SLC39A13: variants seen among roughly 807,000 people sequenced by gnomAD.
SLC39A13 encodes the protein zinc transporter ZIP13.
In SLC39A13, 18 loss-of-function variants were observed where a neutral mutation model predicts 38.7. The observed-to-expected ratio is 0.47, with a 90% CI of 0.32 to 0.69. The LOEUF (loss-of-function observed/expected upper bound fraction) is 0.69. SLC39A13 is among the 30% of genes least tolerant of loss of function. The probability of loss-of-function intolerance (pLI) is 0.03; values close to 1 mark genes in which losing one functional copy is unlikely to be tolerated. For synonymous variants in SLC39A13, 212 were observed against 219.1 expected, an observed-to-expected ratio of 0.97 and a Z score of 0.29; for missense variants, 395 against 490.7, an observed-to-expected ratio of 0.80 and a Z score of 1.84.
At chr11:47,410,975 A>C (rs1201114979) in intron 2 of SLC39A13, among the ~76,000 whole-genome samples, 1 of 152,228 alleles carries the variant, frequency 6.6e-6, no homozygotes. Flanking sequence ...CTCAACCCTC[A>C]GAGCAGCCCT....
At chr11:47,409,719 G>A (rs2095987456) in intron 1 of SLC39A13, 1 of 288,362 alleles carries the variant, frequency 3.5e-6, no homozygotes, top group Non-Finnish European at 6.7e-6. Context: ...AGTCTCTGGG[G>A]TGTCGCGGGC....
At position 47,415,091 on chromosome 11, in the gene SLC39A13, C is replaced by A. The variant is rs774905397; in HGVS notation, c.972C>A (p.Thr324=). Reference sequence around the variant, plus strand: ...CGGCAGCCTGGGTCCTGCCCTTCACCTCTGGCGGCTTTCTCTACATCGCCT... The same window carrying A: ...CGGCAGCCTGGGTCCTGCCCTTCACATCTGGCGGCTTTCTCTACATCGCCT... ...EETAAWVLPF[T]SGGFLYIALV... is the part of the protein sequence containing the mutation. Residue 324 remains threonine (T), a synonymous_variant, in exon 9 of 10, where the codon ACC becomes ACA. Coordinates refer to ENST00000362021, the MANE Select transcript of SLC39A13 (RefSeq NM_001128225.3). The A allele has an allele frequency of 8.7e-6, 14 of 1,613,310 alleles. No individual in the cohort carries two copies. The highest frequency in any genetic ancestry group is 1.2e-5 in the Non-Finnish European group (14 of 1,179,620).
chr11:47,410,184 T>TG lies in SLC39A13; in HGVS notation c.95dup (p.Ser33PhefsTer109). ...TTGCCCTGGAGCTCTTGGAAAGGGC[T>TG]GGGGGTTCCCAGCCGGCCCTCCGGA... On this transcript the variant is annotated frameshift_variant, in exon 2 of 10. Transcript: ENST00000362021. LOFTEE classifies it high-confidence loss of function. 1 of 1,613,688 alleles carries TG rather than the reference T, an allele frequency of 6.2e-7. No individual in the cohort carries two copies. Among genetic ancestry groups the TG allele is most frequent in the Non-Finnish European group, 8.5e-7 (1 of 1,179,964 alleles).
chr11:47,411,281 G>A (rs1374692693), intron 2 of SLC39A13, among the ~76,000 whole-genome samples: 1 of 152,154 alleles, frequency 6.6e-6, no homozygotes, highest in African/African-American at 2.4e-5. Flanking sequence ...AAATTCCCAC[G>A]TAATGAGCAC....
rs1316978088 is a variant in SLC39A13, at chr11:47,415,028, T to C, written c.920-11T>C. 1 of 1,613,212 alleles carries C rather than the reference T, an allele frequency of 6.2e-7. No individual in the cohort carries two copies. The highest frequency in any genetic ancestry group is 8.5e-7 in the Non-Finnish European group (1 of 1,179,728). ...GAGGTGGGGAGCACACACAGTGCCT[T>C]GGGTACCCAGTTGGGTGTTCTCCCG... On this transcript the variant is annotated splice_polypyrimidine_tract_variant and intron_variant, in intron 8 of 9. Transcript: ENST00000362021.
chr11:47,410,835 G>A (rs917110939), intron 2 of SLC39A13, among the ~76,000 whole-genome samples: 3 of 152,224 alleles, frequency 2.0e-5, no homozygotes, highest in African/African-American at 7.2e-5. Context: ...AGGGGCTGGT[G>A]CTGCCAGCTG....
rs752383881 is a variant in SLC39A13, at chr11:47,410,329, G to A, written c.235G>A (p.Gly79Arg). ...CTCCCTCCTGGGTTCCCTCATGGTG[G>A]GGCTCAGTGGGGTCTTCCCGTTGCT... ...ICSLLGSLMV[G>R]LSGVFPLLVI... The change falls in exon 2 of 10, where the codon GGG (glycine) becomes AGG (arginine). Residue 79 changes from glycine to arginine, a missense_variant. Physicochemically the swap from Gly to Arg is moderately radical, Grantham distance 125. Transcript: ENST00000362021. 2 of 1,614,164 alleles carry A rather than the reference G, an allele frequency of 1.2e-6. No individual in the cohort carries two copies. The highest frequency in any genetic ancestry group is 2.2e-5 in the East Asian group (1 of 44,872).
At chr11:47,407,533 A>C (rs999702418), upstream of SLC39A13, 1 of 152,268 alleles carries the variant, frequency 6.6e-6, no homozygotes, top group African/African-American at 2.4e-5. Flanking sequence ...TCTCTGCCCA[A>C]GTGAGTACCC....
At chr11:47,413,370 G>A (rs780030594) in intron 4 of SLC39A13, 30 bp from the exon 5 acceptor site, 1 of 1,609,118 alleles carries the variant, frequency 6.2e-7, no homozygotes, top group Admixed American at 1.7e-5. Flanking sequence ...GGCATCTAAT[G>A]TCACCTCTCC....
In SLC39A13 at chr11:47,415,341, T is replaced by C. The variant is rs2096021765; in HGVS notation, c.1094T>C (p.Leu365Pro). ...LLCAGIVVMV[L>P]FSLFVD ...TGTGCGGGCATCGTGGTAATGGTGC[T>C]GTTCTCGCTCTTCGTGGATTAACTT... The change falls in exon 10 of 10, where the codon CTG becomes CCG. Residue 365 changes from leucine to proline, a missense_variant. Physicochemically the swap from Leu to Pro is moderately conservative, Grantham distance 98 (BLOSUM62 -3). Coordinates refer to ENST00000362021, the MANE Select transcript of SLC39A13 (RefSeq NM_001128225.3). 6.2e-7 allele frequency: 1 copy of C among 1,614,142 alleles called. No individual in the cohort carries two copies. Among genetic ancestry groups the C allele is most frequent in the Non-Finnish European group, 8.5e-7 (1 of 1,180,020 alleles).
rs1328539522 is a variant in SLC39A13 at position 47,408,645 on chromosome 11, C to G, written c.-26C>G. ...GGATGGCTGGGGCCGCCCGGATCGC[C>G]GCCGCCGCCGCCGCACGGTGAGTGC... On this transcript the variant is annotated 5_prime_UTR_variant, in exon 1 of 10. Coordinates refer to ENST00000362021, the MANE Select transcript of SLC39A13 (RefSeq NM_001128225.3). 3 of 152,074 alleles carry G rather than the reference C, an allele frequency of 2.0e-5. No homozygotes were observed. The highest frequency in any genetic ancestry group is 4.9e-5 in the African/African-American group (2 of 41,236). 9.4% of individuals were successfully genotyped at this position (152,074 alleles called of 1,614,324 possible).
chr11:47,414,027 C>T (rs2096013058), intron 6 of SLC39A13: 1 of 637,948 alleles, frequency 1.6e-6, no homozygotes, highest in Admixed American at 2.5e-5. Context: ...TCTTTCCCAC[C>T]TCACACTGTT....
At chr11:47,414,568 C>T in intron 7 of SLC39A13, 93 bp downstream of exon 7, 3 of 1,546,450 alleles carry the variant, frequency 1.9e-6, no homozygotes, top group Middle Eastern at 1.9e-4. Context: ...TGGGGCTGGG[C>T]CTGTCCAGCA....
upstream of SLC39A13, among the ~76,000 whole-genome samples, chr11:47,407,981 A>G (rs1161189710): frequency 3.9e-5 from 6 of 152,360 alleles, no homozygotes; most frequent in East Asian, 1.2e-3. Flanking sequence ...CCAAAGGGTT[A>G]CAAGCCCTGG....
In SLC39A13 at chr11:47,413,471, A is replaced by G. The variant is rs774755322; in HGVS notation, c.609A>G (p.Ala203=). ...NGGHCLAQPA[A]EPGLGAVVRS... is the part of the protein sequence containing the mutation. ...GCCACTGTCTGGCCCAGCCGGCTGC[A>G]GAGCCCGGCCTCGGTGCCGTGGTCC... The change falls in exon 5 of 10, where the codon GCA becomes GCG. Residue 203 remains alanine (A), a synonymous_variant. Transcript: ENST00000362021. 18 of 1,613,948 alleles carry G rather than the reference A, an allele frequency of 1.1e-5. No individual in the cohort carries two copies. Among genetic ancestry groups the G allele is most frequent in the Middle Eastern group, 3.3e-4 (2 of 6,084 alleles).
At position 47,410,293 on chromosome 11, in the gene SLC39A13, A is replaced by C; in HGVS notation, c.199A>C (p.Thr67Pro). The change falls in exon 2 of 10, where the codon ACC becomes CCC. Residue 67 changes from threonine to proline, a missense_variant. By Grantham distance (38) the Thr-to-Pro change is conservative (BLOSUM62 -1). Transcript: ENST00000362021. ...GALLSGERLD[T>P]WICSLLGSLM... ...TCTGCTGAGCGGAGAGCGGCTGGAC[A>C]CCTGGATCTGCTCCCTCCTGGGTTC... 6.2e-7 allele frequency: 1 copy of C among 1,614,080 alleles called. No homozygotes were observed. The highest frequency in any genetic ancestry group is 8.5e-7 in the Non-Finnish European group (1 of 1,180,008).
chr11:47,414,532 G>T, intron 7 of SLC39A13, 57 bp downstream of exon 7: 2 of 1,584,030 alleles, frequency 1.3e-6, no homozygotes, highest in South Asian at 2.2e-5. Context: ...CCCATGATCA[G>T]CATGGGTGTG....
In SLC39A13 at chr11:47,416,398, G is replaced by A. The variant is rs187886001; in HGVS notation, c.*1035G>A. On this transcript the variant is annotated 3_prime_UTR_variant, in exon 10 of 10. Transcript: ENST00000362021. ...GTGGATGTTTTCAGAAGTGGCCATC[G>A]AGAGGTCTGGATGGTTTTATAGCAA... 4 of 152,614 alleles carry A rather than the reference G, an allele frequency of 2.6e-5. No homozygotes were observed. Among genetic ancestry groups the A allele is most frequent in the Admixed American group, 6.5e-5 (1 of 15,290 alleles). The allele number at this position is 152,614 out of a possible 1,614,324, so 9.5% of individuals were successfully genotyped here. A position where few individuals can be genotyped will look rare whatever the true frequency, so the allele number is the denominator to read the frequency against.
intron 4 of SLC39A13, 77 bp from the exon 5 acceptor site, chr11:47,413,323 A>G: frequency 6.9e-7 from 1 of 1,444,830 alleles, no homozygotes; most frequent in Non-Finnish European, 9.7e-7. Context: ...CTCTTTCTCC[A>G]TCTCTCTCCC....
Sources: allele counts gnomAD v4.1 joint callset (sites outside exome capture counted in the v4.1 genomes callset), GRCh38; gene constraint gnomAD v4.1.1; transcripts MANE v1.5; gene names NCBI Gene and HGNC (gene_info 2026-07-23, HGNC 2026-07-21).